Variants in TTC6 observed in about 807,000 individuals in gnomAD.
TTC6 encodes the protein tetratricopeptide repeat protein 6.
Under a neutral mutation model 210.4 loss-of-function variants are expected in TTC6, and 172 were observed. The ratio of observed to expected loss-of-function variants is 0.82; its 90% CI spans 0.72 to 0.93. TTC6 has a LOEUF of 0.93. Among genes scored for constraint, TTC6 ranks in the 40% least tolerant of loss-of-function variants. The pLI, the probability that TTC6 is intolerant of heterozygous loss-of-function variation, is 0.00. For missense variants in TTC6, 2,414 were observed against 2,318.1 expected, an observed-to-expected ratio of 1.04 and a Z score of -0.85; for synonymous variants, 804 against 819.6, an observed-to-expected ratio of 0.98 and a Z score of 0.32.
chr14:37,781,944 T>C (rs1171185244), intron 14 of TTC6, among the ~76,000 whole-genome samples: 1 of 152,126 alleles, frequency 6.6e-6, no homozygotes, highest in African/African-American at 2.4e-5. Context: ...TGTAGGAGTG[T>C]GGTATTATTT....
At chr14:37,657,302 T>TA (rs1488350727) in intron 1 of TTC6, among the ~76,000 whole-genome samples, 1 of 129,566 alleles carries the variant, frequency 7.7e-6, no homozygotes, top group African/African-American at 2.9e-5. Context: ...GGCATTTTAA[T>TA]AAAAAATAGT....
intron 8 of TTC6, 34 bp downstream of exon 10, chr14:37,736,044 TTACTC>T (rs554665993): frequency 8.2e-6 from 9 of 1,091,866 alleles, no homozygotes; most frequent in African/African-American, 7.8e-5. Flanking sequence ...TTAGGATTGT[TTACTC>T]TATCTGCCTA....
exon 1 of TTC6, chr14:37,622,401 C>T: frequency 2.6e-6 from 4 of 1,534,062 alleles, no homozygotes; most frequent in Admixed American, 2.0e-5. Context: ...AGGCAAGACC[C>T]GGTCGTTTCG....
exon 1 of TTC6, chr14:37,622,575 C>G: frequency 6.5e-7 from 1 of 1,534,108 alleles, no homozygotes; most frequent in Non-Finnish European, 8.7e-7. Context: ...GGAGAGCTCG[C>G]GGCACGCGGC....
intron 1 of TTC6, among the ~76,000 whole-genome samples, chr14:37,602,005 G>A (rs957884359): frequency 6.6e-6 from 1 of 152,244 alleles, no homozygotes. Context: ...AAATAAAGCC[G>A]AGCCCACGTA....
chr14:37,666,425 C>G (rs1021288953), intron 1 of TTC6, among the ~76,000 whole-genome samples: 1 of 131,072 alleles, frequency 7.6e-6, no homozygotes, highest in Non-Finnish European at 1.6e-5. Flanking sequence ...CCAGCCTGAG[C>G]AACATAGTGA....
intron 1 of TTC6, among the ~76,000 whole-genome samples, chr14:37,645,494 A>T (rs2095699930): frequency 6.6e-6 from 1 of 152,230 alleles, no homozygotes; most frequent in Admixed American, 6.5e-5. Flanking sequence ...TTAGATGGCA[A>T]TAAGTAACAA....
At chr14:37,807,675 T>A (rs1477594730) in intron 23 of TTC6, among the ~76,000 whole-genome samples, 1 of 152,174 alleles carries the variant, frequency 6.6e-6, no homozygotes, top group Non-Finnish European at 1.5e-5. Flanking sequence ...ATAACATTTA[T>A]TATTTATTTT....
chr14:37,816,945 T>C (rs1236284829), intron 25 of TTC6, among the ~76,000 whole-genome samples: 1 of 152,124 alleles, frequency 6.6e-6, no homozygotes, highest in African/African-American at 2.4e-5. Context: ...TGAAACAGCC[T>C]CTTCCTAGGG....
chr14:37,770,005 T>C (rs2096012744), intron 14 of TTC6, among the ~76,000 whole-genome samples: 1 of 152,178 alleles, frequency 6.6e-6, no homozygotes, highest in South Asian at 2.1e-4. Flanking sequence ...ATGTTGTGTC[T>C]TTGTTCCCGT....
At chr14:37,620,636 T>A (rs964603240), upstream of TTC6, among the ~76,000 whole-genome samples, 2 of 152,348 alleles carry the variant, frequency 1.3e-5, no homozygotes, top group South Asian at 4.1e-4. Context: ...CATAGCTAGC[T>A]GGCCCTGCTG....
chr14:37,799,921 C>T (rs1452996803), intron 20 of TTC6, among the ~76,000 whole-genome samples: 3 of 152,152 alleles, frequency 2.0e-5, no homozygotes, highest in Non-Finnish European at 4.4e-5. Context: ...TGGCCCCTCA[C>T]CTCTGCTTGT....
chr14:37,778,326 G>C (rs1444854614), intron 14 of TTC6, among the ~76,000 whole-genome samples: 3 of 152,064 alleles, frequency 2.0e-5, no homozygotes, highest in African/African-American at 7.2e-5. Flanking sequence ...TTCTTATGGT[G>C]GCAGTGGCAG....
At chr14:37,830,061 T>C (rs1958686) in intron 29 of TTC6, among the ~76,000 whole-genome samples, 115,884 of 151,514 alleles carry the variant, frequency 0.76, 49,420 homozygotes, top group Non-Finnish European at 0.94. Flanking sequence ...CTGAGAACAA[T>C]ATTCCTTGGA....
At chr14:37,700,522 T>A (rs1242511595) in intron 4 of TTC6, among the ~76,000 whole-genome samples, 1 of 151,782 alleles carries the variant, frequency 6.6e-6, no homozygotes, top group South Asian at 2.1e-4. Context: ...GCAGGCAGAT[T>A]ACTTGAGGTC....
At chr14:37,737,586 C>A (rs995853357) in intron 8 of TTC6, 74 bp from the exon 11 acceptor site, 1 of 791,810 alleles carries the variant, frequency 1.3e-6, no homozygotes, top group Non-Finnish European at 1.9e-6. Flanking sequence ...CAGTTATTAG[C>A]CAAGTATTAT....
intron 1 of TTC6, among the ~76,000 whole-genome samples, chr14:37,641,085 A>G (rs1219644432): frequency 6.6e-6 from 1 of 152,238 alleles, no homozygotes; most frequent in Non-Finnish European, 1.5e-5. Context: ...AATTTAAAAC[A>G]GTTGCTTAAC....
At position 37,714,691 on chromosome 14, in the gene TTC6, A is replaced by G. The variant is rs1264475359; in HGVS notation, c.1608A>G (p.Gln536=). Residue 536 remains glutamine (Q), a synonymous_variant, in exon 6 of 31, where the codon CAA becomes CAG. Coordinates refer to ENST00000553443, the Ensembl canonical transcript of TTC6. The stretch of plus-strand genomic sequence containing the variant: ...GAATTCCTGTTATGGATGACAACCA[A>G]GAATATGTCCATATTCCTCCGACAC... 2.6e-6 allele frequency: 4 copies of G among 1,535,452 alleles called. No individual in the cohort carries two copies. The African/African-American group carries it at 5.5e-5, about 21-fold the overall frequency.
At chr14:37,625,543 C>T (rs1310690473) in intron 1 of TTC6, among the ~76,000 whole-genome samples, 5 of 125,726 alleles carry the variant, frequency 4.0e-5, no homozygotes, top group African/African-American at 1.1e-4. Context: ...AGCGAGACTT[C>T]GTCTAAAAAA....
Sources: gnomAD v4.1 joint callset for allele counts (sites outside exome capture counted in the v4.1 genomes callset) on GRCh38, gnomAD v4.1.1 for gene constraint, MANE v1.5 for transcripts, NCBI Gene and HGNC (gene_info 2026-07-23, HGNC 2026-07-21) for gene names.